PLCG2: variants seen among roughly 807,000 people sequenced by gnomAD.
PLCG2 encodes 1-phosphatidylinositol 4,5-bisphosphate phosphodiesterase gamma-2.
PLCG2 carries 69 observed loss-of-function variants against 175.6 expected under a neutral mutation model. The ratio of observed to expected loss-of-function variants is 0.39; its 90% CI spans 0.32 to 0.48. PLCG2 has a LOEUF of 0.48. Ranked by LOEUF, PLCG2 falls within the 20% of genes least tolerant of loss-of-function variation. The pLI is 0.91. For missense variants in PLCG2, 1,798 were observed against 1,650.9 expected, an observed-to-expected ratio of 1.09 and a Z score of -1.54; for synonymous variants, 827 against 624.0, an observed-to-expected ratio of 1.33 and a Z score of -4.85.
chr16:81,872,602 C>G (rs1273199583), intron 7 of PLCG2, among the ~76,000 whole-genome samples: 1 of 152,224 alleles, frequency 6.6e-6, no homozygotes, highest in Non-Finnish European at 1.5e-5. Flanking sequence ...GCACCTAGCA[C>G]AGTACCTGGT....
chr16:81,864,206 A>G (rs1907117406), intron 5 of PLCG2, among the ~76,000 whole-genome samples: 1 of 152,174 alleles, frequency 6.6e-6, no homozygotes, highest in Admixed American at 6.5e-5. Context: ...GCAGGGCTCA[A>G]GAATTTGCAT....
At chr16:81,807,685 A>G (rs1213359605) in intron 2 of PLCG2, among the ~76,000 whole-genome samples, 3 of 152,202 alleles carry the variant, frequency 2.0e-5, no homozygotes, top group South Asian at 2.1e-4. Flanking sequence ...GTCTGTTCTC[A>G]CGGCTATAAA....
chr16:81,795,861 G>A (rs911186360), intron 2 of PLCG2, among the ~76,000 whole-genome samples: 6 of 152,188 alleles, frequency 3.9e-5, no homozygotes, highest in Admixed American at 6.5e-5. Context: ...CACTGTGCCC[G>A]GCCCCCTCCC....
intron 2 of PLCG2, among the ~76,000 whole-genome samples, chr16:81,845,499 G>C (rs1229013873): frequency 1.3e-5 from 2 of 152,350 alleles, no homozygotes; most frequent in South Asian, 4.1e-4. Flanking sequence ...AAAGCTATCT[G>C]CTATAAGCTG....
chr16:81,880,881 CT>C lies in PLCG2; in HGVS notation c.649-21del, dbSNP rs553916666. ...TGCATTAAGTGACTTGTCTAAGGTT[CT>C]TTTTTTTGTGTGTGCTTTCCATTTC... is the stretch of plus-strand genomic sequence containing the variant. On this transcript the variant is annotated intron_variant, in intron 7 of 32. Coordinates refer to ENST00000564138, the MANE Select transcript of PLCG2 (RefSeq NM_002661.5). 641 of 1,608,142 alleles carry C rather than the reference CT, an allele frequency of 4.0e-4. 3 individuals are homozygous for C. In the African/African-American group the frequency reaches 7.5e-3, roughly 19 times the overall value.
intron 1 of PLCG2, among the ~76,000 whole-genome samples, chr16:81,755,175 G>T (rs1053582150): frequency 6.6e-6 from 1 of 151,994 alleles, no homozygotes. Context: ...CCCCAAGCCT[G>T]TTCCTTTATT....
At chr16:81,746,573 G>T (rs567499798) in intron 1 of PLCG2, among the ~76,000 whole-genome samples, 14 of 152,280 alleles carry the variant, frequency 9.2e-5, no homozygotes, top group Middle Eastern at 3.4e-3. Flanking sequence ...TTTAAGTGTA[G>T]GATTTCGTTT....
chr16:81,847,918 T>G (rs1567496208), intron 2 of PLCG2, among the ~76,000 whole-genome samples: 1 of 152,190 alleles, frequency 6.6e-6, no homozygotes, highest in Non-Finnish European at 1.5e-5. Context: ...TCCCCAACAG[T>G]CACTGAGGGA....
chr16:81,889,031 T>C, intron 9 of PLCG2, 141 bp from the exon 10 acceptor site: 1 of 591,074 alleles, frequency 1.7e-6, no homozygotes, highest in Non-Finnish European at 3.1e-6. Context: ...GAATGAGGCC[T>C]CAACATGTGG....
chr16:81,759,519 A>C (rs555976892), intron 2 of PLCG2, among the ~76,000 whole-genome samples: 26 of 152,172 alleles, frequency 1.7e-4, no homozygotes, highest in Non-Finnish European at 3.2e-4. Flanking sequence ...TGCATTTTCA[A>C]CCTGAATAGA....
intron 2 of PLCG2, among the ~76,000 whole-genome samples, chr16:81,812,308 C>T (rs1341960926): frequency 6.6e-6 from 1 of 152,080 alleles, no homozygotes; most frequent in Non-Finnish European, 1.5e-5. Context: ...CTCAGCCTCC[C>T]ACAGTGCTGA....
chr16:81,908,579 C>T lies in PLCG2; in HGVS notation c.1721C>T (p.Thr574Ile). 6.2e-7 allele frequency: 1 copy of T among 1,609,298 alleles called. No individual in the cohort carries two copies. Among genetic ancestry groups the T allele is most frequent in the Non-Finnish European group, 8.5e-7 (1 of 1,178,218 alleles). Residue 574 changes from threonine to isoleucine, a missense_variant, in exon 17 of 33, where the codon ACC becomes ATC. Thr to Ile is a moderately conservative substitution (Grantham distance 89). Coordinates refer to ENST00000564138, the MANE Select transcript of PLCG2 (RefSeq NM_002661.5). ...RESETFPNDY[T>I]LSFWRSGRVQ... ...AGCGAGACCTTCCCCAATGACTACA[C>T]CCTGTCCTTCTGGTAATGCCCCCGA...
intron 2 of PLCG2, among the ~76,000 whole-genome samples, chr16:81,852,925 A>G (rs1012647510): frequency 6.6e-5 from 10 of 152,112 alleles, no homozygotes; most frequent in African/African-American, 2.4e-4. Flanking sequence ...TGGCCTCTCC[A>G]TAGGGCTAAC....
chr16:81,912,528 C>T, intron 18 of PLCG2, 69 bp from the exon 19 acceptor site: 1 of 1,575,688 alleles, frequency 6.3e-7, no homozygotes, highest in Non-Finnish European at 8.6e-7. Flanking sequence ...TTATCTTGTC[C>T]TCTGCGGGTG....
intron 2 of PLCG2, among the ~76,000 whole-genome samples, chr16:81,772,655 C>CAAA (rs34085438): frequency 2.1e-5 from 3 of 140,116 alleles, no homozygotes; most frequent in Non-Finnish European, 3.1e-5. Context: ...ACTAAAAATA[C>CAAA]AAAAAAAAAA....
At chr16:81,914,456 G>C (rs371904990) in intron 19 of PLCG2, among the ~76,000 whole-genome samples, 1 of 152,228 alleles carries the variant, frequency 6.6e-6, no homozygotes, top group African/African-American at 2.4e-5. Flanking sequence ...CAATGGGACC[G>C]CGTGAATGAA....
In PLCG2 at chr16:81,891,567, C is replaced by A; in HGVS notation, c.963C>A (p.Tyr321Ter). The change falls in exon 11 of 33, where the codon TAC becomes TAA. Residue 321 changes from tyrosine (Y) to a stop codon, truncating the protein, a stop_gained. Coordinates refer to ENST00000564138, the MANE Select transcript of PLCG2 (RefSeq NM_002661.5). LOFTEE classifies it high-confidence loss of function. Reference protein sequence around the residue: ...MQDMNNPLSHYWISSSHNTYL... With the variant: ...MQDMNNPLSH ...ACATGAACAACCCCCTGTCTCATTA[C>A]TGGATCTCCTCGTCACATAACACGT... is the stretch of plus-strand genomic sequence containing the variant. 1 of 1,596,986 alleles carries A rather than the reference C, an allele frequency of 6.3e-7. No homozygotes were observed. Among genetic ancestry groups the A allele is most frequent in the Non-Finnish European group, 8.6e-7 (1 of 1,164,568 alleles).
rs1357408841 is a variant in PLCG2 at position 81,943,136 on chromosome 16, G to A, written c.3482-3039G>A. Among the ~76,000 whole-genome samples the A allele has an allele frequency of 2.0e-5, 3 of 152,134 alleles. No homozygotes were observed. The East Asian group carries it at 5.8e-4, about 29-fold the overall frequency. On this transcript the variant is annotated intron_variant, in intron 30 of 32. Coordinates refer to ENST00000564138, the MANE Select transcript of PLCG2 (RefSeq NM_002661.5). ...TGATAGCCTCCCGGAATGCCATGGA[G>A]CAAACAGTCATTCCAGTTCATTCTA...
chr16:81,904,847 T>G (rs1480853474), intron 14 of PLCG2, among the ~76,000 whole-genome samples: 1 of 152,164 alleles, frequency 6.6e-6, no homozygotes, highest in African/African-American at 2.4e-5. Flanking sequence ...GGCTTGGGGC[T>G]AGAGAGTGGC....
Sources: allele counts gnomAD v4.1 joint callset (sites outside exome capture counted in the v4.1 genomes callset), GRCh38; gene constraint gnomAD v4.1.1; transcripts MANE v1.5; gene names NCBI Gene and HGNC (gene_info 2026-07-23, HGNC 2026-07-21).